Variants in NEBL observed in about 807,000 individuals in gnomAD.
The protein encoded by NEBL is LIM and SH3 protein 2.
NEBL carries 122 observed loss-of-function variants against 140.2 expected under a neutral mutation model. That is an observed-to-expected ratio of 0.87 (90% confidence interval 0.75 to 1.01). NEBL has a LOEUF of 1.01. NEBL is among the 50% of genes least tolerant of loss of function. The pLI is 0.00. For missense variants in NEBL, 1,365 were observed against 1,231.3 expected (o/e 1.11, Z -1.62); for synonymous variants, 436 against 398.9 (o/e 1.09, Z -1.11).
intron 26 of NEBL, among the ~76,000 whole-genome samples, chr10:20,803,830 T>TAA (rs953409666): frequency 6.8e-6 from 1 of 147,288 alleles, no homozygotes; most frequent in African/African-American, 2.5e-5. Context: ...TATATATATA[T>TAA]ATATATATGC....
chr10:21,161,270 G>T (rs1840549132), intron 2 of NEBL, among the ~76,000 whole-genome samples: 1 of 151,998 alleles, frequency 6.6e-6, no homozygotes, highest in African/African-American at 2.4e-5. Context: ...GACCTCAAGT[G>T]ATTCTCCTGC....
chr10:21,049,326 C>A (rs909531533), intron 2 of NEBL, among the ~76,000 whole-genome samples: 1 of 152,174 alleles, frequency 6.6e-6, no homozygotes, highest in Non-Finnish European at 1.5e-5. Flanking sequence ...GCAGGCCCAC[C>A]ACACCCAGGG....
intron 1 of NEBL, among the ~76,000 whole-genome samples, chr10:21,278,507 G>T (rs12358291): frequency 0.12 from 18,621 of 152,136 alleles, 1,757 homozygotes; most frequent in African/African-American, 0.27. Flanking sequence ...ACCCATAACT[G>T]CTAGGGCTGG....
At chr10:21,044,097 T>A (rs1834391364) in intron 2 of NEBL, among the ~76,000 whole-genome samples, 2 of 152,130 alleles carry the variant, frequency 1.3e-5, no homozygotes, top group South Asian at 4.2e-4. Flanking sequence ...TTCCACAGAA[T>A]GTTAAAAAGC....
Position 20,813,934 on chromosome 10 carries a change from C to T in NEBL, c.2346+5G>A, listed in dbSNP as rs755402704. Reference sequence around the variant, plus strand: ...TGTTTTAAGAATGATCTGGTTGGACCCTACCATTGAAATATGATTTTGTGC... The same window carrying T: ...TGTTTTAAGAATGATCTGGTTGGACTCTACCATTGAAATATGATTTTGTGC... On this transcript the variant is annotated splice_donor_5th_base_variant and intron_variant, in intron 23 of 27. Transcript: ENST00000377122. 40 of 1,548,798 alleles carry T rather than the reference C, an allele frequency of 2.6e-5. No individual in the cohort carries two copies. The South Asian group carries it at 4.2e-4, about 16-fold the overall frequency.
intron 7 of NEBL, among the ~76,000 whole-genome samples, chr10:20,861,851 G>A (rs1843728959): frequency 1.3e-5 from 2 of 152,020 alleles, no homozygotes; most frequent in Admixed American, 6.6e-5. Context: ...AACTTATGAT[G>A]GGGTTGCATC....
chr10:21,014,940 A>G (rs1838494684), intron 3 of NEBL, among the ~76,000 whole-genome samples: 1 of 152,244 alleles, frequency 6.6e-6, no homozygotes, highest in Admixed American at 6.5e-5. Flanking sequence ...AAGAATCAAC[A>G]TAGATTACAA....
At chr10:20,835,826 A>C (rs1383085548) in intron 13 of NEBL, among the ~76,000 whole-genome samples, 1 of 152,230 alleles carries the variant, frequency 6.6e-6, no homozygotes, top group African/African-American at 2.4e-5. Flanking sequence ...GGGCATGCAA[A>C]GCTCCAAAAA....
At chr10:21,221,323 A>G (rs1842063301) in intron 3 of NEBL, among the ~76,000 whole-genome samples, 1 of 152,186 alleles carries the variant, frequency 6.6e-6, no homozygotes, top group Non-Finnish European at 1.5e-5. Context: ...GGGATTTAAA[A>G]ATAAAGAATA....
chr10:21,120,389 A>C (rs187828251), intron 2 of NEBL, among the ~76,000 whole-genome samples: 1,102 of 61,688 alleles, frequency 0.018, 14 homozygotes, highest in African/African-American at 0.075. Context: ...AAAAAAAAAA[A>C]ATACATATAT....
intron 4 of NEBL, among the ~76,000 whole-genome samples, chr10:20,934,638 G>T (rs535606598): frequency 6.6e-6 from 1 of 152,182 alleles, no homozygotes; most frequent in African/African-American, 2.4e-5. Flanking sequence ...TACGAGAGGT[G>T]CTAGACAGAA....
At chr10:21,013,522 C>T (rs550323745) in intron 3 of NEBL, among the ~76,000 whole-genome samples, 37 of 152,192 alleles carry the variant, frequency 2.4e-4, no homozygotes, top group Non-Finnish European at 4.8e-4. Context: ...CAGAACCCAA[C>T]AAAAACTGTC....
At position 20,787,228 on chromosome 10, in the gene NEBL, TCATGGATGA is replaced by T. The variant is rs1277511025; in HGVS notation, c.2833_2841del (p.Ser945_Met947del). On this transcript the variant is annotated inframe_deletion, in exon 27 of 28. Transcript: ENST00000377122. ...AGATTTGGTGAATGCTGCATTGATCTCATGGATGACACACTGGTCTGGTGCATGTAGCCA... is the reference window on the plus strand; with the variant it reads ...AGATTTGGTGAATGCTGCATTGATCTCACACTGGTCTGGTGCATGTAGCCA... 5 of 1,612,972 alleles carry T rather than the reference TCATGGATGA, an allele frequency of 3.1e-6. No individual in the cohort carries two copies. The highest frequency in any genetic ancestry group is 4.2e-6 in the Non-Finnish European group (5 of 1,179,476).
chr10:20,866,038 A>G (rs1047964197), intron 7 of NEBL, among the ~76,000 whole-genome samples: 7 of 152,254 alleles, frequency 4.6e-5, no homozygotes, highest in Admixed American at 3.9e-4. Context: ...CTTCACAATC[A>G]ATCTTTGCTC....
intron 2 of NEBL, among the ~76,000 whole-genome samples, chr10:21,142,360 A>G (rs1362198263): frequency 6.6e-6 from 1 of 152,156 alleles, no homozygotes; most frequent in Non-Finnish European, 1.5e-5. Flanking sequence ...TTACTCTGAC[A>G]GCACCACAGG....
chr10:20,919,731 G>C (rs991697571), intron 4 of NEBL, among the ~76,000 whole-genome samples: 8 of 152,174 alleles, frequency 5.3e-5, no homozygotes, highest in Middle Eastern at 3.4e-3. Context: ...ACAAAACATA[G>C]GGGAATTGCT....
chr10:21,285,112 A>G (rs932211194), intron 1 of NEBL, among the ~76,000 whole-genome samples: 1 of 152,214 alleles, frequency 6.6e-6, no homozygotes, highest in Non-Finnish European at 1.5e-5. Context: ...CATTGTTTAA[A>G]GTTTAAGTTT....
At chr10:20,847,960 G>A (rs1391598578) in intron 11 of NEBL, among the ~76,000 whole-genome samples, 1 of 152,152 alleles carries the variant, frequency 6.6e-6, no homozygotes, top group Admixed American at 6.6e-5. Flanking sequence ...GCATGTTTAT[G>A]TAAAATTAAA....
intron 14 of NEBL, among the ~76,000 whole-genome samples, chr10:20,835,117 G>A (rs1301258925): frequency 1.3e-5 from 2 of 152,130 alleles, no homozygotes; most frequent in Non-Finnish European, 2.9e-5. Context: ...CATGTAAAGT[G>A]TCCATATATG....
Sources: gnomAD v4.1 joint callset for allele counts (sites outside exome capture counted in the v4.1 genomes callset) on GRCh38, gnomAD v4.1.1 for gene constraint, MANE v1.5 for transcripts, NCBI Gene and HGNC (gene_info 2026-07-23, HGNC 2026-07-21) for gene names.